Variants in CNTN5 observed in about 807,000 individuals in gnomAD.
CNTN5 encodes contactin 5.
Under a neutral mutation model 129.1 loss-of-function variants are expected in CNTN5, and 77 were observed. The ratio of observed to expected loss-of-function variants is 0.60; its 90% CI spans 0.50 to 0.72. The LOEUF (loss-of-function observed/expected upper bound fraction) is 0.72, where lower values mean the gene tolerates loss of function less well. Ranked by LOEUF, CNTN5 falls within the 30% of genes least tolerant of loss-of-function variation. CNTN5 has a pLI of 0.00. For synonymous variants in CNTN5, 509 were observed against 465.6 expected, an observed-to-expected ratio of 1.09 and a Z score of -1.20; for missense variants, 1,478 against 1,328.8, an observed-to-expected ratio of 1.11 and a Z score of -1.75.
Position 99,579,762 on chromosome 11 carries a change from G to C in CNTN5, c.55+23493G>C, listed in dbSNP as rs1451616456. 1.1e-4 allele frequency among the ~76,000 whole-genome samples: 17 copies of C among 149,880 alleles called. No homozygotes were observed. The East Asian group carries it at 1.2e-3, about 10-fold the overall frequency. On this transcript the variant is annotated intron_variant, in intron 3 of 24. Coordinates refer to ENST00000524871, the MANE Select transcript of CNTN5 (RefSeq NM_014361.4). ...CGATGGGGTTTTCTAGATATACAATGATGTCATCTGCAAACAGGGACAATT... is the reference window on the plus strand; with the variant it reads ...CGATGGGGTTTTCTAGATATACAATCATGTCATCTGCAAACAGGGACAATT...
chr11:99,926,456 G>T (rs375371267), intron 7 of CNTN5, among the ~76,000 whole-genome samples: 1 of 151,926 alleles, frequency 6.6e-6, no homozygotes, highest in Non-Finnish European at 1.5e-5. Flanking sequence ...ATATAAAATG[G>T]CAACCAAAAT....
intron 18 of CNTN5, among the ~76,000 whole-genome samples, chr11:100,281,996 AT>A (rs34162956): frequency 0.67 from 82,834 of 123,234 alleles, 26,787 homozygotes; most frequent in South Asian, 0.85. Context: ...TTGGCATTCT[AT>A]TTTTTTTTTT....
chr11:99,919,802 A>ATTTATTTTATTTTATTTTAT (rs145689745), intron 7 of CNTN5, among the ~76,000 whole-genome samples: 60 of 147,666 alleles, frequency 4.1e-4, no homozygotes, highest in African/African-American at 1.1e-3. Flanking sequence ...TTTCTAGAAT[A>ATTTATTTTATTTTATTTTAT]TTTATTTTAT....
intron 3 of CNTN5, among the ~76,000 whole-genome samples, chr11:99,683,163 T>C (rs1459434460): frequency 1.3e-5 from 2 of 151,908 alleles, no homozygotes. Flanking sequence ...CTAATTTTAT[T>C]GAATCCAATT....
chr11:99,800,149 T>C (rs1297152205), intron 3 of CNTN5, among the ~76,000 whole-genome samples: 1 of 152,100 alleles, frequency 6.6e-6, no homozygotes, highest in Non-Finnish European at 1.5e-5. Context: ...CCCAGAGATT[T>C]TGGTATGTTG....
chr11:99,341,262 G>A (rs1866501950), intron 2 of CNTN5, among the ~76,000 whole-genome samples: 1 of 152,036 alleles, frequency 6.6e-6, no homozygotes, highest in Admixed American at 6.6e-5. Flanking sequence ...ATTTAAAATA[G>A]ATGTAAATAT....
At chr11:99,526,362 C>A (rs1216400457) in intron 2 of CNTN5, among the ~76,000 whole-genome samples, 1 of 152,192 alleles carries the variant, frequency 6.6e-6, no homozygotes, top group Non-Finnish European at 1.5e-5. Flanking sequence ...CCCAGAATAA[C>A]CCATTCAATT....
At chr11:99,837,687 A>T (rs1191788735) in intron 4 of CNTN5, among the ~76,000 whole-genome samples, 2 of 86,840 alleles carry the variant, frequency 2.3e-5, no homozygotes, top group African/African-American at 3.4e-5. Context: ...ACATGAGTAA[A>T]AAAAAAAAAA....
chr11:99,282,518 G>T (rs552022283), intron 1 of CNTN5, among the ~76,000 whole-genome samples: 1 of 152,064 alleles, frequency 6.6e-6, no homozygotes, highest in Admixed American at 6.6e-5. Flanking sequence ...GCACTGGTTA[G>T]AGAGAAGTAA....
intron 2 of CNTN5, among the ~76,000 whole-genome samples, chr11:99,359,302 A>G (rs966902196): frequency 1.3e-5 from 2 of 152,030 alleles, no homozygotes; most frequent in African/African-American, 4.8e-5. Context: ...AAAAAAGCAT[A>G]AGCTTCCCTC....
chr11:99,580,130 A>T (rs186339386), intron 3 of CNTN5, among the ~76,000 whole-genome samples: 2 of 152,280 alleles, frequency 1.3e-5, no homozygotes, highest in East Asian at 3.9e-4. Context: ...GCTGGATTAC[A>T]TTTATTGATT....
chr11:99,505,307 T>C (rs1292060003), intron 2 of CNTN5, among the ~76,000 whole-genome samples: 1 of 152,180 alleles, frequency 6.6e-6, no homozygotes, highest in African/African-American at 2.4e-5. Context: ...TGGTAGAAAT[T>C]ATCTGTACAA....
chr11:99,678,975 A>C (rs1009207189), intron 3 of CNTN5, among the ~76,000 whole-genome samples: 5 of 148,158 alleles, frequency 3.4e-5, no homozygotes, highest in East Asian at 1.9e-4. Context: ...CTCTATATAT[A>C]TATATAAAAT....
chr11:99,681,365 A>C (rs1390821137), intron 3 of CNTN5, among the ~76,000 whole-genome samples: 3 of 152,026 alleles, frequency 2.0e-5, no homozygotes, highest in African/African-American at 7.3e-5. Flanking sequence ...AGAGACAAAC[A>C]TGTCGCAAAC....
At position 99,716,335 on chromosome 11, in the gene CNTN5, A is replaced by G. The variant is rs564304312; in HGVS notation, c.56-103209A>G. 3.0e-4 allele frequency among the ~76,000 whole-genome samples: 45 copies of G among 152,140 alleles called. No homozygotes were observed. The South Asian group carries it at 9.1e-3, about 31-fold the overall frequency. On this transcript the variant is annotated intron_variant, in intron 3 of 24. Coordinates refer to ENST00000524871, the MANE Select transcript of CNTN5 (RefSeq NM_014361.4). ...GCATGTTAAATCGATGACTACTTCT[A>G]ACAATTCTCTCCTTCTTTATTGAAG...
intron 1 of CNTN5, among the ~76,000 whole-genome samples, chr11:99,153,502 T>C (rs1235242127): frequency 6.6e-6 from 1 of 151,948 alleles, no homozygotes; most frequent in African/African-American, 2.4e-5. Context: ...TTTTTTTTTT[T>C]TCTTAAAATA....
chr11:100,226,268 G>T (rs896794754), intron 16 of CNTN5, among the ~76,000 whole-genome samples: 3 of 152,050 alleles, frequency 2.0e-5, no homozygotes, highest in African/African-American at 4.8e-5. Flanking sequence ...ATCTGTTTTA[G>T]ATTATGTATA....
At chr11:99,476,428 A>G (rs2726362) in intron 2 of CNTN5, among the ~76,000 whole-genome samples, 1 of 152,122 alleles carries the variant, frequency 6.6e-6, no homozygotes, top group Non-Finnish European at 1.5e-5. Context: ...AATATAATTC[A>G]CCATATGGAA....
At chr11:100,261,911 C>A (rs1172044563) in intron 17 of CNTN5, among the ~76,000 whole-genome samples, 1 of 152,126 alleles carries the variant, frequency 6.6e-6, no homozygotes, top group Admixed American at 6.6e-5. Flanking sequence ...TACTAAAACA[C>A]CAAAAGCAAT....
Sources: allele counts gnomAD v4.1 joint callset (sites outside exome capture counted in the v4.1 genomes callset), GRCh38; gene constraint gnomAD v4.1.1; transcripts MANE v1.5; gene names NCBI Gene and HGNC (gene_info 2026-07-23, HGNC 2026-07-21).